Variants in RAB22A observed in about 807,000 individuals in gnomAD.
The protein encoded by RAB22A is RAB22A, member RAS oncogene family.
In RAB22A, 13 loss-of-function variants were observed where a neutral mutation model predicts 30.2. The ratio of observed to expected loss-of-function variants is 0.43; its 90% confidence interval spans 0.28 to 0.68. The LOEUF (loss-of-function observed/expected upper bound fraction) is 0.68. Among genes scored for constraint, RAB22A ranks in the 30% least tolerant of loss-of-function variants. The pLI, the probability that RAB22A is intolerant of heterozygous loss-of-function variation, is 0.18. For synonymous variants in RAB22A, 89 were observed against 87.2 expected (o/e 1.02, Z -0.11); for missense variants, 177 against 246.8 (o/e 0.72, Z 1.89).
chr20:58,329,794 AT>A (rs547987066), intron 2 of RAB22A, among the ~76,000 whole-genome samples: 18 of 152,044 alleles, frequency 1.2e-4, no homozygotes, highest in Non-Finnish European at 2.5e-4. Context: ...CCCTACCCCC[AT>A]CTTTTTCTCT....
Position 58,354,274 on chromosome 20 carries a change from C to T in RAB22A, c.487+9C>T, listed in dbSNP as rs1465887380. 9 of 1,576,962 alleles carry T rather than the reference C, an allele frequency of 5.7e-6. No homozygotes were observed. The highest frequency in any genetic ancestry group is 7.8e-6 in the Non-Finnish European group (9 of 1,149,372). On this transcript the variant is annotated intron_variant, in intron 6 of 6. Transcript: ENST00000244040. Reference sequence around the variant, plus strand: ...ACTCTTTATAGAAATTAGTGAGTATCTCTGTGCCTTATCCATTTCCTCTGT... The same window carrying T: ...ACTCTTTATAGAAATTAGTGAGTATTTCTGTGCCTTATCCATTTCCTCTGT...
intron 2 of RAB22A, among the ~76,000 whole-genome samples, chr20:58,341,251 A>C (rs1362018338): frequency 2.0e-5 from 3 of 152,072 alleles, no homozygotes; most frequent in African/African-American, 7.2e-5. Context: ...ACTGGAAAGG[A>C]GGAGAGAGAA....
At chr20:58,354,441 C>T (rs1032104563) in intron 6 of RAB22A, among the ~76,000 whole-genome samples, 176 bp downstream of exon 6, 3 of 152,146 alleles carry the variant, frequency 2.0e-5, no homozygotes, top group African/African-American at 7.2e-5. Context: ...GTTATAGTTG[C>T]TGAAGAGCTG....
At chr20:58,326,914 C>T (rs1179398684) in intron 2 of RAB22A, among the ~76,000 whole-genome samples, 2 of 152,152 alleles carry the variant, frequency 1.3e-5, no homozygotes, top group East Asian at 3.8e-4. Context: ...GGAAAACATT[C>T]AGTATTGTAC....
At chr20:58,312,472 C>CTTTTTTTTTTTTTT (rs58198236) in intron 2 of RAB22A, among the ~76,000 whole-genome samples, 1 of 38,710 alleles carries the variant, frequency 2.6e-5, no homozygotes, top group Non-Finnish European at 4.4e-5. Context: ...GGCTGGTTTT[C>CTTTTTTTTTTTTTT]TTTTTTTTTT....
At position 58,353,325 on chromosome 20, in the gene RAB22A, T is replaced by C. The variant is rs1568873642; in HGVS notation, c.251T>C (p.Val84Ala). Residue 84 changes from valine to alanine, a missense_variant, in exon 4 of 7, where the codon GTT (valine) becomes GCT (alanine). Physicochemically the swap from Val to Ala is moderately conservative, Grantham distance 64. Coordinates refer to ENST00000244040, the MANE Select transcript of RAB22A (RefSeq NM_020673.3). The part of the protein sequence containing the change: ...YYRGSAAAII[V>A]YDITKEETFS... Reference sequence around the variant, plus strand: ...CGAGGGTCGGCTGCAGCTATAATCGTTTATGATATCACAAAAGAAGTAAGA... The same window carrying C: ...CGAGGGTCGGCTGCAGCTATAATCGCTTATGATATCACAAAAGAAGTAAGA... 1.2e-6 allele frequency: 2 copies of C among 1,614,058 alleles called. No individual in the cohort carries two copies. The highest frequency in any genetic ancestry group is 1.7e-6 in the Non-Finnish European group (2 of 1,179,908).
At chr20:58,353,252 A>T in intron 3 of RAB22A, 21 bp from the exon 4 acceptor site, 1 of 1,608,048 alleles carries the variant, frequency 6.2e-7, no homozygotes. Flanking sequence ...AATTTTGTTT[A>T]TTTTTCCCCC....
chr20:58,314,745 A>G (rs1268774229), intron 2 of RAB22A, among the ~76,000 whole-genome samples: 1 of 152,074 alleles, frequency 6.6e-6, no homozygotes, highest in Non-Finnish European at 1.5e-5. Flanking sequence ...GGAGGCTGAG[A>G]CAGGAGAATT....
chr20:58,321,512 T>C (rs556542328), intron 2 of RAB22A, among the ~76,000 whole-genome samples: 1 of 152,358 alleles, frequency 6.6e-6, no homozygotes, highest in Non-Finnish European at 1.5e-5. Flanking sequence ...CCGCTACTGA[T>C]GTGTGGAGTA....
intron 6 of RAB22A, among the ~76,000 whole-genome samples, chr20:58,356,434 A>G (rs765878180): frequency 1.6e-4 from 24 of 152,230 alleles, no homozygotes; most frequent in Non-Finnish European, 3.4e-4. Context: ...AAAGATTAGA[A>G]AAATTGGGAG....
chr20:58,323,613 C>G (rs1280764110), intron 2 of RAB22A, among the ~76,000 whole-genome samples: 1 of 150,298 alleles, frequency 6.7e-6, no homozygotes, highest in Non-Finnish European at 1.5e-5. Flanking sequence ...ACAAACGTGC[C>G]CTTTTTTTTT....
intron 6 of RAB22A, among the ~76,000 whole-genome samples, chr20:58,356,588 CTG>C (rs1315027521): frequency 1.3e-5 from 2 of 152,208 alleles, no homozygotes; most frequent in African/African-American, 4.8e-5. Flanking sequence ...TTTTCACAAA[CTG>C]AATATACTCC....
At position 58,361,598 on chromosome 20, in the gene RAB22A, G is replaced by A. The variant is rs1987225647; in HGVS notation, c.*1895G>A. Reference sequence around the variant, plus strand: ...AGGCGCTTTACACCTAAAGTAGTTTGACTTTCTTCTGTATACATCCAGATG... The same window carrying A: ...AGGCGCTTTACACCTAAAGTAGTTTAACTTTCTTCTGTATACATCCAGATG... On this transcript the variant is annotated 3_prime_UTR_variant, in exon 7 of 7. Transcript: ENST00000244040. 1 of 152,154 alleles carries A rather than the reference G, an allele frequency of 6.6e-6. No individual in the cohort carries two copies. The highest frequency in any genetic ancestry group is 2.4e-5 in the African/African-American group (1 of 41,430). 9.4% of individuals were successfully genotyped at this position (152,154 alleles called of 1,614,324 possible).
intron 2 of RAB22A, among the ~76,000 whole-genome samples, chr20:58,318,002 C>T (rs1986377656): frequency 6.6e-6 from 1 of 152,100 alleles, no homozygotes; most frequent in South Asian, 2.1e-4. Flanking sequence ...ACAACAATAG[C>T]ACGAGCAGTA....
intron 2 of RAB22A, among the ~76,000 whole-genome samples, chr20:58,337,087 T>C (rs1399932578): frequency 6.6e-6 from 1 of 152,224 alleles, no homozygotes; most frequent in Non-Finnish European, 1.5e-5. Flanking sequence ...TTCCTCTTGC[T>C]GCTTTAACAC....
chr20:58,309,831 G>A lies in RAB22A; in HGVS notation c.-146G>A, dbSNP rs1182819661. On this transcript the variant is annotated 5_prime_UTR_variant, in exon 1 of 7. Transcript: ENST00000244040. Reference sequence around the variant, plus strand: ...CTGGCAGCGGACAGGCCGGACCTACGGCCGGAGGACGGGCGGCAGCCGCCT... The same window carrying A: ...CTGGCAGCGGACAGGCCGGACCTACAGCCGGAGGACGGGCGGCAGCCGCCT... 5 of 739,796 alleles carry A rather than the reference G, an allele frequency of 6.8e-6. No homozygotes were observed. The African/African-American group carries it at 9.2e-5, about 14-fold the overall frequency. The allele number at this position is 739,796 out of a possible 1,614,324, so 45.8% of individuals were successfully genotyped here.
chr20:58,344,593 T>C (rs1568871300), intron 3 of RAB22A, among the ~76,000 whole-genome samples: 1 of 152,224 alleles, frequency 6.6e-6, no homozygotes, highest in Non-Finnish European at 1.5e-5. Flanking sequence ...TGCCGTTTAA[T>C]TTTGTTTTCA....
intron 6 of RAB22A, among the ~76,000 whole-genome samples, chr20:58,355,987 T>G (rs767854306): frequency 6.6e-6 from 1 of 152,190 alleles, no homozygotes; most frequent in Non-Finnish European, 1.5e-5. Context: ...ACTGCTATCT[T>G]TTTGTGTTCT....
In RAB22A at chr20:58,317,826, G is replaced by A. The variant is rs6026196; in HGVS notation, c.116+6704G>A. ...CTCCCAAAGTGCTGGGATTACAGGC[G>A]TGAACCACCACGCCTGGCCTATTAT... On this transcript the variant is annotated intron_variant, in intron 2 of 6. Coordinates refer to ENST00000244040, the MANE Select transcript of RAB22A (RefSeq NM_020673.3). Among the ~76,000 whole-genome samples the A allele has an allele frequency of 6.9e-3, 1,056 of 152,064 alleles. 12 individuals are homozygous for A. The highest frequency in any genetic ancestry group is 0.022 in the African/African-American group (902 of 41,480).
Sources: gnomAD v4.1 joint callset for allele counts (sites outside exome capture counted in the v4.1 genomes callset) on GRCh38, gnomAD v4.1.1 for gene constraint, MANE v1.5 for transcripts, NCBI Gene and HGNC (gene_info 2026-07-23, HGNC 2026-07-21) for gene names.